CADPS2: variants seen among roughly 807,000 people sequenced by gnomAD.
CADPS2 encodes calcium dependent secretion activator 2.
Under a neutral mutation model 172.5 loss-of-function variants are expected in CADPS2, and 93 were observed. The observed-to-expected ratio is 0.54, with a 90% confidence interval of 0.46 to 0.64. The LOEUF is 0.64. CADPS2 is among the 30% of genes least tolerant of loss of function. The probability of loss-of-function intolerance (pLI) is 0.00; values close to 1 mark genes in which losing one functional copy is unlikely to be tolerated. For synonymous variants in CADPS2, 546 were observed against 555.2 expected, an observed-to-expected ratio of 0.98 and a Z score of 0.23; for missense variants, 1,420 against 1,565.9, an observed-to-expected ratio of 0.91 and a Z score of 1.57.
At chr7:122,684,427 T>G (rs2083409962) in intron 2 of CADPS2, among the ~76,000 whole-genome samples, 1 of 150,124 alleles carries the variant, frequency 6.7e-6, no homozygotes, top group Non-Finnish European at 1.5e-5. Context: ...TAAAGAAGTT[T>G]GTAGTAAGCA....
intron 1 of CADPS2, among the ~76,000 whole-genome samples, chr7:122,788,393 A>G (rs1255051130): frequency 6.6e-6 from 1 of 152,186 alleles, no homozygotes; most frequent in Non-Finnish European, 1.5e-5. Context: ...TGGACATGGC[A>G]TTTCACATCA....
chr7:122,771,013 C>T (rs1199288883), intron 1 of CADPS2, among the ~76,000 whole-genome samples: 1 of 152,120 alleles, frequency 6.6e-6, no homozygotes, highest in African/African-American at 2.4e-5. Context: ...GTGGACAGGG[C>T]AAGTTTTATC....
intron 6 of CADPS2, among the ~76,000 whole-genome samples, chr7:122,606,230 T>G (rs1035743772): frequency 6.6e-6 from 1 of 152,042 alleles, no homozygotes; most frequent in African/African-American, 2.4e-5. Flanking sequence ...AAAACCTGAG[T>G]TAAGTGAGAG....
In CADPS2 at chr7:122,615,178, T is replaced by G; in HGVS notation, c.1223+3A>C. The G allele has an allele frequency of 6.6e-7, 1 of 1,509,216 alleles. No individual in the cohort carries two copies. Among genetic ancestry groups the G allele is most frequent in the Non-Finnish European group, 9.0e-7 (1 of 1,114,638 alleles). 93.5% of individuals were successfully genotyped at this position (1,509,216 alleles called of 1,614,324 possible). On this transcript the variant is annotated splice_donor_region_variant and intron_variant, in intron 6 of 29. Coordinates refer to ENST00000449022, the MANE Select transcript of CADPS2 (RefSeq NM_017954.11). Reference sequence around the variant, plus strand: ...AATAATACACTTTTTTCAACTGGCTTACTGTGGCCTTGAGGCTTCGGCCTG... The same window carrying G: ...AATAATACACTTTTTTCAACTGGCTGACTGTGGCCTTGAGGCTTCGGCCTG...
chr7:122,545,369 G>A (rs890267017), intron 8 of CADPS2, among the ~76,000 whole-genome samples: 4 of 152,094 alleles, frequency 2.6e-5, no homozygotes, highest in Non-Finnish European at 2.9e-5. Context: ...TGGTAAAAGA[G>A]TGAAAGAAAT....
At chr7:122,666,074 C>A (rs1544593) in intron 2 of CADPS2, among the ~76,000 whole-genome samples, 116,194 of 152,046 alleles carry the variant, frequency 0.76, 44,484 homozygotes, top group Non-Finnish European at 0.81. Context: ...ATTTAACATA[C>A]ATAAATTGTA....
intron 1 of CADPS2, among the ~76,000 whole-genome samples, chr7:122,794,214 C>T (rs1412750423): frequency 6.6e-6 from 1 of 151,882 alleles, no homozygotes. Flanking sequence ...TGATACCATT[C>T]TCCCTATCTC....
rs113422240 is a variant in CADPS2, at chr7:122,797,658, C to T, written c.340-60590G>A. Among the ~76,000 whole-genome samples, 367 of 148,664 alleles carry T rather than the reference C, an allele frequency of 2.5e-3. 1 individual carries two copies. Among genetic ancestry groups the T allele is most frequent in the African/African-American group, 8.4e-3 (334 of 39,536 alleles). ...GAGCTAAATGATGAGAACACATGGA[C>T]ACCTAGAGGGGAATGATGGACACAG... On this transcript the variant is annotated intron_variant, in intron 1 of 29. Transcript: ENST00000449022.
At chr7:122,681,103 G>A (rs2135805430) in intron 2 of CADPS2, among the ~76,000 whole-genome samples, 1 of 140,612 alleles carries the variant, frequency 7.1e-6, no homozygotes, top group African/African-American at 2.7e-5. Context: ...CACAGGAAGG[G>A]GAACATCACA....
intron 1 of CADPS2, among the ~76,000 whole-genome samples, chr7:122,872,202 G>A (rs987178610): frequency 1.3e-5 from 2 of 152,050 alleles, no homozygotes; most frequent in African/African-American, 4.8e-5. Flanking sequence ...TTAAAGGAAA[G>A]AAAAAGGATA....
At chr7:122,332,112 C>G (rs1246990089) in intron 28 of CADPS2, 2 of 152,130 alleles carry the variant, frequency 1.3e-5, no homozygotes, top group Non-Finnish European at 2.9e-5. Context: ...TTGAAGCAAT[C>G]CACATTTCTA....
At chr7:122,538,892 T>A (rs1183582052) in intron 8 of CADPS2, among the ~76,000 whole-genome samples, 1 of 151,950 alleles carries the variant, frequency 6.6e-6, no homozygotes, top group Non-Finnish European at 1.5e-5. Flanking sequence ...ATCAAATAGG[T>A]AAAATGTAGT....
intron 1 of CADPS2, among the ~76,000 whole-genome samples, chr7:122,857,124 A>G (rs187061350): frequency 2.0e-5 from 3 of 152,310 alleles, no homozygotes; most frequent in African/African-American, 4.8e-5. Flanking sequence ...TTCAGGATAC[A>G]ATGCTAAGGG....
intron 7 of CADPS2, among the ~76,000 whole-genome samples, chr7:122,575,199 G>A (rs2067853887): frequency 6.6e-6 from 1 of 151,692 alleles, no homozygotes; most frequent in Non-Finnish European, 1.5e-5. Context: ...GGTGGTGGGA[G>A]CATCTAAAAT....
At chr7:122,696,471 A>G (rs1237049259) in intron 2 of CADPS2, among the ~76,000 whole-genome samples, 1 of 152,044 alleles carries the variant, frequency 6.6e-6, no homozygotes, top group Non-Finnish European at 1.5e-5. Flanking sequence ...CTGGCCTTAG[A>G]TTAGTGTCTC....
At chr7:122,744,964 A>G (rs1376130771) in intron 1 of CADPS2, among the ~76,000 whole-genome samples, 1 of 113,216 alleles carries the variant, frequency 8.8e-6, no homozygotes, top group Admixed American at 8.1e-5. Context: ...TGTACATCTC[A>G]TTTTTCTTTT....
At chr7:122,542,166 A>C (rs1229062439) in intron 8 of CADPS2, among the ~76,000 whole-genome samples, 1 of 152,010 alleles carries the variant, frequency 6.6e-6, no homozygotes, top group East Asian at 1.9e-4. Flanking sequence ...TTACAGGGGA[A>C]GAAGGGAGGC....
chr7:122,571,030 T>TAAG (rs911950976), intron 7 of CADPS2, among the ~76,000 whole-genome samples: 1 of 151,762 alleles, frequency 6.6e-6, no homozygotes, highest in African/African-American at 2.4e-5. Context: ...ACTTAAAGTA[T>TAAG]AATAATAATA....
At chr7:122,328,088 C>A (rs537558330) in intron 28 of CADPS2, among the ~76,000 whole-genome samples, 78 of 150,914 alleles carry the variant, frequency 5.2e-4, no homozygotes, top group Admixed American at 3.5e-3. Flanking sequence ...CTAACAACAA[C>A]AAAAATCCCA....
Sources: gnomAD v4.1 joint callset for allele counts (sites outside exome capture counted in the v4.1 genomes callset) on GRCh38, gnomAD v4.1.1 for gene constraint, MANE v1.5 for transcripts, NCBI Gene and HGNC (gene_info 2026-07-23, HGNC 2026-07-21) for gene names.